Variants in TENM3 observed in about 807,000 individuals in gnomAD.
The protein encoded by TENM3 is teneurin transmembrane protein 3, also known as teneurin-3.
In TENM3, 63 loss-of-function variants were observed where a neutral mutation model predicts 255.1. The ratio of observed to expected loss-of-function variants is 0.25; its 90% CI spans 0.20 to 0.30. The LOEUF is 0.30. Ranked by LOEUF, TENM3 falls within the 10% of genes least tolerant of loss-of-function variation. The pLI is 1.00. For missense variants in TENM3, 2,929 were observed against 3,461.1 expected (o/e 0.85, Z 3.86); for synonymous variants, 1,306 against 1,322.3 (o/e 0.99, Z 0.27).
chr4:181,574,037 G>GA, the TENM3 span, among the ~76,000 whole-genome samples: 13 of 152,088 alleles, frequency 8.5e-5, no homozygotes, highest in Admixed American at 2.0e-4. Context: ...TGAGGACTCA[G>GA]AAAAAAGTCC....
chr4:182,200,985 C>G (rs1185202269), intron 1 of TENM3, among the ~76,000 whole-genome samples: 1 of 152,024 alleles, frequency 6.6e-6, no homozygotes, highest in Non-Finnish European at 1.5e-5. Context: ...CCACCACGCC[C>G]AGCTAATTTT....
At chr4:181,575,895 GC>G in the TENM3 span, among the ~76,000 whole-genome samples, 3 of 152,298 alleles carry the variant, frequency 2.0e-5, no homozygotes, top group South Asian at 6.2e-4. Flanking sequence ...GTTAGACATG[GC>G]CAGGAATCAA....
intron 2 of TENM3, among the ~76,000 whole-genome samples, chr4:182,325,022 T>A (rs1763300454): frequency 6.6e-6 from 1 of 152,310 alleles, no homozygotes; most frequent in African/African-American, 2.4e-5. Context: ...TAGTTATATT[T>A]TGTTTCTTCT....
chr4:182,521,486 A>G (rs1489000156), intron 3 of TENM3, among the ~76,000 whole-genome samples: 28 of 152,212 alleles, frequency 1.8e-4, no homozygotes, highest in Admixed American at 1.8e-3. Context: ...TAATTAAGAG[A>G]TAACTGTCTC....
chr4:182,625,123 G>C (rs773060986), intron 4 of TENM3, among the ~76,000 whole-genome samples: 1 of 152,184 alleles, frequency 6.6e-6, no homozygotes, highest in Non-Finnish European at 1.5e-5. Context: ...CATTATTGTT[G>C]TTAATGAAGC....
chr4:181,661,476 G>A, the TENM3 span, among the ~76,000 whole-genome samples: 1 of 152,048 alleles, frequency 6.6e-6, no homozygotes, highest in Admixed American at 6.5e-5. Context: ...GTTCTTAAAG[G>A]CTGTTTTGGT....
intron 19 of TENM3, among the ~76,000 whole-genome samples, chr4:182,747,071 C>T (rs916087201): frequency 3.9e-5 from 6 of 152,132 alleles, no homozygotes; most frequent in Non-Finnish European, 7.4e-5. Context: ...TGCTCCTTAT[C>T]CTCGCTTTCT....
Position 182,789,462 on chromosome 4 carries a change from AGGGG to A in TENM3, c.5601+74_5601+77del. 9.2e-6 allele frequency: 13 copies of A among 1,412,516 alleles called. No individual in the cohort carries two copies. In the Admixed American group the frequency reaches 2.0e-4, roughly 22 times the overall value. The allele number at this position is 1,412,516 out of a possible 1,614,324, so 87.5% of individuals were successfully genotyped here. ...TTTTCAGCAATCATCCAGAGCACTA[AGGGG>A]AAAAAAAACAGTGGCACATGACTGA... On this transcript the variant is annotated intron_variant, in intron 25 of 27. Transcript: ENST00000511685. The surrounding 1 kb of genome is among the most constrained non-coding windows in gnomAD (Gnocchi z 4.4).
At chr4:182,297,942 C>T (rs762498711) in intron 1 of TENM3, among the ~76,000 whole-genome samples, 8 of 152,210 alleles carry the variant, frequency 5.3e-5, no homozygotes, top group South Asian at 2.1e-4. Context: ...CCATAGCCTG[C>T]GCTGCTCCCA....
chr4:182,623,364 G>C (rs1750484887), intron 4 of TENM3, among the ~76,000 whole-genome samples: 1 of 151,502 alleles, frequency 6.6e-6, no homozygotes, highest in African/African-American at 2.4e-5. Flanking sequence ...ATGCAGTGGT[G>C]TAGTCTCAGC....
In TENM3 at chr4:182,161,969, A is replaced by G. The variant is rs1222999435; in HGVS notation, c.-76+17215A>G. Among the ~76,000 whole-genome samples, 185 of 25,102 alleles carry G rather than the reference A, an allele frequency of 7.4e-3. 38 individuals carry two copies. The highest frequency in any genetic ancestry group is 0.025 in the Middle Eastern group (1 of 40). 16.5% of individuals were successfully genotyped at this position (25,102 alleles called of 152,430 possible). A position where few individuals can be genotyped will look rare whatever the true frequency, so the allele number is the denominator to read the frequency against. ...TTTGTGTGTGTGTGTGTATATATAT[A>G]TATATATATATATATATATATATAT... On this transcript the variant is annotated intron_variant, in intron 1 of 2. Transcript: ENST00000512480.
chr4:182,539,605 A>C (rs1204187948), intron 3 of TENM3, among the ~76,000 whole-genome samples: 1 of 152,242 alleles, frequency 6.6e-6, no homozygotes, highest in Non-Finnish European at 1.5e-5. Context: ...GTTTGTGATC[A>C]TCAACAAACC....
intron 1 of TENM3, among the ~76,000 whole-genome samples, chr4:182,318,594 A>G (rs1469377931): frequency 1.3e-5 from 2 of 152,126 alleles, no homozygotes; most frequent in Non-Finnish European, 2.9e-5. Flanking sequence ...TACTTTGCAG[A>G]GTGTTGGGAA....
intron 17 of TENM3, among the ~76,000 whole-genome samples, chr4:182,737,925 A>G (rs956352942): frequency 1.3e-5 from 2 of 152,160 alleles, no homozygotes; most frequent in Non-Finnish European, 2.9e-5. Context: ...TGATAATAAT[A>G]TGTCAGCATA....
the TENM3 span, among the ~76,000 whole-genome samples, chr4:181,570,803 G>A: frequency 6.6e-6 from 1 of 152,168 alleles, no homozygotes; most frequent in African/African-American, 2.4e-5. Context: ...CGATCTGCAA[G>A]ACATTTACTG....
the TENM3 span, among the ~76,000 whole-genome samples, chr4:182,093,680 G>T: frequency 6.6e-6 from 1 of 152,076 alleles, no homozygotes; most frequent in Middle Eastern, 3.2e-3. Context: ...CCAGTACCAG[G>T]TGAGTGCAAG....
the TENM3 span, among the ~76,000 whole-genome samples, chr4:181,646,868 G>A: frequency 2.0e-5 from 3 of 152,152 alleles, no homozygotes; most frequent in Non-Finnish European, 4.4e-5. Flanking sequence ...TTTAAACATT[G>A]AGAAGACTTA....
At chr4:181,452,191 T>C in the TENM3 span, among the ~76,000 whole-genome samples, 2 of 152,210 alleles carry the variant, frequency 1.3e-5, no homozygotes, top group Non-Finnish European at 2.9e-5. Context: ...AAGATGGTTG[T>C]TCTATGGATG....
At chr4:181,935,815 G>A in the TENM3 span, among the ~76,000 whole-genome samples, 4 of 152,084 alleles carry the variant, frequency 2.6e-5, no homozygotes, top group Non-Finnish European at 4.4e-5. Flanking sequence ...GCACTCTACC[G>A]ACATCGGGCC....
Sources: gnomAD v4.1 joint callset for allele counts (sites outside exome capture counted in the v4.1 genomes callset) on GRCh38, gnomAD v4.1.1 for gene constraint, Gnocchi (gnomAD v3.1) non-coding constraint, MANE v1.5 for transcripts, NCBI Gene and HGNC (gene_info 2026-07-23, HGNC 2026-07-21) for gene names.